The following FER variants were observed in gnomAD, a reference collection of about 807,000 sequenced individuals.
The protein encoded by FER is FER tyrosine kinase.
FER carries 63 observed loss-of-function variants against 111.0 expected under a neutral mutation model. The observed-to-expected ratio is 0.57, with a 90% CI of 0.46 to 0.70. The LOEUF is 0.70. FER is among the 30% of genes least tolerant of loss of function. The pLI, the probability that FER is intolerant of heterozygous loss-of-function variation, is 0.00. For synonymous variants in FER, 327 were observed against 313.9 expected, an observed-to-expected ratio of 1.04 and a Z score of -0.44; for missense variants, 914 against 954.0, an observed-to-expected ratio of 0.96 and a Z score of 0.55.
chr5:109,158,590 C>G (rs866996304), intron 17 of FER, among the ~76,000 whole-genome samples: 2 of 152,072 alleles, frequency 1.3e-5, no homozygotes, highest in African/African-American at 4.8e-5. Flanking sequence ...TCTTTTAAAT[C>G]TCAGCTCTGT....
At chr5:108,910,824 T>A (rs572858811) in intron 10 of FER, among the ~76,000 whole-genome samples, 13 of 152,248 alleles carry the variant, frequency 8.5e-5, no homozygotes, top group Middle Eastern at 3.4e-3. Flanking sequence ...ATTATTTCAT[T>A]ATTTTTTATG....
At chr5:108,925,055 A>C (rs1214388405) in intron 10 of FER, among the ~76,000 whole-genome samples, 3 of 151,948 alleles carry the variant, frequency 2.0e-5, no homozygotes, top group African/African-American at 7.2e-5. Context: ...AGTTTTGAGA[A>C]AAATATGTCC....
chr5:109,043,898 G>A (rs1771559876), intron 14 of FER, among the ~76,000 whole-genome samples: 1 of 151,994 alleles, frequency 6.6e-6, no homozygotes, highest in African/African-American at 2.4e-5. Flanking sequence ...TTGAACCTGG[G>A]AGGCGGAGGT....
At chr5:109,063,707 G>A (rs576679913) in intron 16 of FER, among the ~76,000 whole-genome samples, 3 of 152,162 alleles carry the variant, frequency 2.0e-5, no homozygotes, top group Non-Finnish European at 2.9e-5. Flanking sequence ...ATTTTTTAAC[G>A]TTGCAAACGG....
rs545803698 is a variant in FER, at chr5:109,006,501, A to G, written c.1657-30921A>G. 5.9e-5 allele frequency among the ~76,000 whole-genome samples: 9 copies of G among 152,300 alleles called. No homozygotes were observed. In the South Asian group the frequency reaches 1.0e-3, roughly 18 times the overall value. On this transcript the variant is annotated intron_variant, in intron 13 of 19. Transcript: ENST00000281092. ...CCCAGCTATGTGGAACTGTGAGTGCATTAAGCCTCTTTCCTTTATAAATTA... is the reference window on the plus strand; with the variant it reads ...CCCAGCTATGTGGAACTGTGAGTGCGTTAAGCCTCTTTCCTTTATAAATTA...
intron 3 of FER, among the ~76,000 whole-genome samples, chr5:108,817,214 A>T (rs866598186): frequency 6.6e-6 from 1 of 151,426 alleles, no homozygotes; most frequent in Non-Finnish European, 1.5e-5. Flanking sequence ...GAAGAAAATG[A>T]AGAGAGGCTC....
intron 5 of FER, among the ~76,000 whole-genome samples, chr5:108,837,164 T>C (rs1389585668): frequency 1.3e-5 from 2 of 152,232 alleles, no homozygotes; most frequent in Non-Finnish European, 2.9e-5. Flanking sequence ...GATTATTTCA[T>C]AGATTTTCAA....
At chr5:109,017,096 G>A (rs1022703785) in intron 13 of FER, among the ~76,000 whole-genome samples, 11 of 151,956 alleles carry the variant, frequency 7.2e-5, no homozygotes, top group Admixed American at 2.6e-4. Context: ...TGTAATGAAC[G>A]TGCTGTTTTC....
At chr5:108,794,618 A>G (rs1020862863) in intron 2 of FER, among the ~76,000 whole-genome samples, 1 of 138,262 alleles carries the variant, frequency 7.2e-6, no homozygotes, top group African/African-American at 2.7e-5. Flanking sequence ...GAACATCTTT[A>G]TTTCTCATTT....
rs868326918 is a variant in FER, at chr5:109,146,244, A to T, written c.2049-34503A>T. On this transcript the variant is annotated intron_variant, in intron 17 of 19. Transcript: ENST00000281092. ...TATATTATCTATCTAATATATATAT[A>T]ATCTATCTAATATATATATATATAT... Among the ~76,000 whole-genome samples, 96 of 67,266 alleles carry T rather than the reference A, an allele frequency of 1.4e-3. 5 individuals are homozygous for T. Among genetic ancestry groups the T allele is most frequent in the African/African-American group, 4.9e-3 (79 of 15,968 alleles). 44.1% of individuals were successfully genotyped at this position (67,266 alleles called of 152,430 possible). A position where few individuals can be genotyped will look rare whatever the true frequency, so the allele number is the denominator to read the frequency against.
intron 5 of FER, among the ~76,000 whole-genome samples, chr5:108,859,764 C>T (rs552909875): frequency 1.3e-5 from 2 of 152,080 alleles, no homozygotes; most frequent in South Asian, 4.2e-4. Flanking sequence ...AGAACTTGCT[C>T]TTTAAAGGTG....
chr5:108,933,843 G>C (rs1285110509), intron 10 of FER, among the ~76,000 whole-genome samples: 2 of 152,038 alleles, frequency 1.3e-5, no homozygotes, highest in Non-Finnish European at 2.9e-5. Flanking sequence ...TGTATTCCTA[G>C]ATATTTTATT....
At chr5:108,862,172 A>G (rs1338887943) in intron 5 of FER, among the ~76,000 whole-genome samples, 1 of 152,186 alleles carries the variant, frequency 6.6e-6, no homozygotes, top group Non-Finnish European at 1.5e-5. Context: ...ATATTTCCAA[A>G]GGCAGTAAAT....
At chr5:109,030,206 A>G (rs935880621) in intron 13 of FER, among the ~76,000 whole-genome samples, 11 of 151,746 alleles carry the variant, frequency 7.2e-5, no homozygotes, top group East Asian at 1.9e-4. Flanking sequence ...GAGATAATCT[A>G]TGTGTTTTCA....
At chr5:108,750,990 C>G (rs959724430) in intron 1 of FER, among the ~76,000 whole-genome samples, 1 of 151,926 alleles carries the variant, frequency 6.6e-6, no homozygotes, top group Non-Finnish European at 1.5e-5. Context: ...GTCGGGAGTT[C>G]GAGACCAGCC....
chr5:108,946,247 T>A (rs750152738), intron 11 of FER, 25 bp downstream of exon 11: 1 of 1,532,378 alleles, frequency 6.5e-7, no homozygotes, highest in South Asian at 1.1e-5. Flanking sequence ...CTCTCTGTGC[T>A]ACTGAAAATG....
chr5:108,931,044 T>C (rs559868472), intron 10 of FER, among the ~76,000 whole-genome samples: 12 of 152,352 alleles, frequency 7.9e-5, no homozygotes, highest in African/African-American at 2.9e-4. Context: ...CTTTTTATTA[T>C]TATCTTTGGA....
At chr5:108,798,411 T>C in intron 3 of FER, 22 bp downstream of exon 3, 1 of 1,563,104 alleles carries the variant, frequency 6.4e-7, no homozygotes. Context: ...AATTTCACTC[T>C]TTGTTATTTA....
intron 3 of FER, among the ~76,000 whole-genome samples, chr5:108,811,272 A>G (rs1295121998): frequency 6.6e-6 from 1 of 152,170 alleles, no homozygotes; most frequent in Non-Finnish European, 1.5e-5. Flanking sequence ...ATGCCTAGAG[A>G]TCTGCCTGGG....
Sources: gnomAD v4.1 joint callset for allele counts (sites outside exome capture counted in the v4.1 genomes callset) on GRCh38, gnomAD v4.1.1 for gene constraint, MANE v1.5 for transcripts, NCBI Gene and HGNC (gene_info 2026-07-23, HGNC 2026-07-21) for gene names.